Variants in NAALADL2 observed in about 807,000 individuals in gnomAD.
NAALADL2 encodes inactive N-acetylated-alpha-linked acidic dipeptidase-like protein 2.
In NAALADL2, 76 loss-of-function variants were observed where a neutral mutation model predicts 87.2. The observed-to-expected ratio is 0.87, with a 90% confidence interval of 0.72 to 1.05. The LOEUF (loss-of-function observed/expected upper bound fraction) is 1.05. NAALADL2 is among the 50% of genes least tolerant of loss of function. The pLI, the probability that NAALADL2 is intolerant of heterozygous loss-of-function variation, is 0.00. For missense variants in NAALADL2, 1,089 were observed against 945.8 expected (o/e 1.15, Z -1.99); for synonymous variants, 354 against 331.0 (o/e 1.07, Z -0.75).
chr3:175,007,664 G>T (rs189619811), intron 1 of NAALADL2, among the ~76,000 whole-genome samples: 1 of 152,234 alleles, frequency 6.6e-6, no homozygotes, highest in Non-Finnish European at 1.5e-5. Context: ...TACATTCCAA[G>T]ACCCCAGTGG....
At chr3:175,206,932 A>G (rs1741024280) in intron 2 of NAALADL2, among the ~76,000 whole-genome samples, 1 of 152,100 alleles carries the variant, frequency 6.6e-6, no homozygotes, top group South Asian at 2.1e-4. Flanking sequence ...TGAGAGGACA[A>G]AGTGGTAAAA....
At position 175,803,092 on chromosome 3, in the gene NAALADL2, T is replaced by A; in HGVS notation, c.2277T>A (p.Asn759Lys). 6.2e-7 allele frequency: 1 copy of A among 1,612,268 alleles called. No individual in the cohort carries two copies. Among genetic ancestry groups the A allele is most frequent in the Non-Finnish European group, 8.5e-7 (1 of 1,178,770 alleles). ...AACACTGCAAACCCCTTGCATCAAA[T>A]GAGACCCTTCAAGAAGCCCTGTCAG... is the stretch of plus-strand genomic sequence containing the variant. ...AWEHCKPLAS[N>K]ETLQEALSEV... The change falls in exon 14 of 14, where the codon AAT becomes AAA. Residue 759 changes from asparagine (N) to lysine (K), a missense_variant. By Grantham distance (94) the Asn-to-Lys change is moderately conservative. Transcript: ENST00000454872.
In NAALADL2 at chr3:175,386,851, C is replaced by G. The variant is rs1006875945; in HGVS notation, c.1091-60378C>G. Among the ~76,000 whole-genome samples, 3 of 152,006 alleles carry G rather than the reference C, an allele frequency of 2.0e-5. 1 individual carries two copies. The highest frequency in any genetic ancestry group is 2.0e-4 in the Admixed American group (3 of 15,242). Reference sequence around the variant, plus strand: ...TCAACTGTTGCGGTATCCCAGTGCTCGTGTTCAGGCCACCCTTACTTTGCT... The same window carrying G: ...TCAACTGTTGCGGTATCCCAGTGCTGGTGTTCAGGCCACCCTTACTTTGCT... On this transcript the variant is annotated intron_variant, in intron 5 of 13. Transcript: ENST00000454872.
intron 1 of NAALADL2, among the ~76,000 whole-genome samples, chr3:175,020,854 C>T (rs962049453): frequency 6.6e-6 from 1 of 152,012 alleles, no homozygotes; most frequent in Non-Finnish European, 1.5e-5. Flanking sequence ...TTCCAGAATT[C>T]CTCTGCCGCT....
At position 175,119,070 on chromosome 3, in the gene NAALADL2, T is replaced by C. The variant is rs201799048; in HGVS notation, c.545+21779T>C. Among the ~76,000 whole-genome samples the C allele has an allele frequency of 9.2e-3, 1,338 of 146,212 alleles. 8 individuals are homozygous for C. The highest frequency in any genetic ancestry group is 0.013 in the Non-Finnish European group (862 of 66,192). On this transcript the variant is annotated intron_variant, in intron 2 of 13. Coordinates refer to ENST00000454872, the MANE Select transcript of NAALADL2 (RefSeq NM_207015.3). ...AATTGCATTTATACGTTTTTTTTTT[T>C]CCCAGTGGTCATTATTGACCATATG...
chr3:175,308,263 G>T (rs1757949341), intron 4 of NAALADL2, among the ~76,000 whole-genome samples: 1 of 152,084 alleles, frequency 6.6e-6, no homozygotes, highest in African/African-American at 2.4e-5. Context: ...TTTGTGTCTT[G>T]TTTGCTCAAT....
At chr3:175,566,745 T>A (rs560606519) in intron 9 of NAALADL2, among the ~76,000 whole-genome samples, 5 of 152,126 alleles carry the variant, frequency 3.3e-5, no homozygotes, top group African/African-American at 1.2e-4. Flanking sequence ...TATCAGTTCA[T>A]CTTCATTAAT....
intron 9 of NAALADL2, among the ~76,000 whole-genome samples, chr3:175,491,307 T>C (rs1035774085): frequency 6.6e-6 from 1 of 151,602 alleles, no homozygotes; most frequent in Non-Finnish European, 1.5e-5. Flanking sequence ...TTGACTTGAA[T>C]TTTTTTGTTT....
chr3:174,621,146 A>C (rs1378496233), intron 2 of NAALADL2, among the ~76,000 whole-genome samples: 1 of 152,088 alleles, frequency 6.6e-6, no homozygotes, highest in African/African-American at 2.4e-5. Context: ...CCACACTTCT[A>C]GTTTCCTTTA....
At chr3:174,533,432 C>T (rs1052185501) in intron 1 of NAALADL2, among the ~76,000 whole-genome samples, 3 of 152,122 alleles carry the variant, frequency 2.0e-5, no homozygotes, top group Non-Finnish European at 2.9e-5. Flanking sequence ...TCTATTGGCT[C>T]TCAAAAGCTA....
At chr3:174,613,538 G>C (rs989307897) in intron 2 of NAALADL2, among the ~76,000 whole-genome samples, 4 of 152,192 alleles carry the variant, frequency 2.6e-5, no homozygotes, top group Non-Finnish European at 5.9e-5. Context: ...TCTAAAGAAA[G>C]AGAAGCCTCA....
At chr3:174,698,542 C>T (rs1387044584) in intron 2 of NAALADL2, among the ~76,000 whole-genome samples, 2 of 151,952 alleles carry the variant, frequency 1.3e-5, no homozygotes, top group Non-Finnish European at 2.9e-5. Flanking sequence ...CTCTAGTTTC[C>T]TTGTTTTGCT....
intron 2 of NAALADL2, among the ~76,000 whole-genome samples, chr3:174,702,193 T>C (rs935611878): frequency 2.0e-5 from 3 of 152,224 alleles, no homozygotes; most frequent in Non-Finnish European, 4.4e-5. Flanking sequence ...CTTTTTTATG[T>C]GCTTATTTGT....
chr3:175,057,805 C>A (rs753652237), intron 1 of NAALADL2, among the ~76,000 whole-genome samples: 10 of 152,182 alleles, frequency 6.6e-5, no homozygotes, highest in African/African-American at 2.4e-4. Flanking sequence ...ACGGGACTTT[C>A]CATAGTTAAT....
intron 9 of NAALADL2, among the ~76,000 whole-genome samples, chr3:175,522,318 C>G (rs1235804321): frequency 6.6e-6 from 1 of 152,074 alleles, no homozygotes; most frequent in Non-Finnish European, 1.5e-5. Context: ...TTGAATGCTC[C>G]TAATATATGA....
chr3:175,597,040 A>T (rs946554987), intron 10 of NAALADL2, among the ~76,000 whole-genome samples: 2 of 151,950 alleles, frequency 1.3e-5, no homozygotes, highest in African/African-American at 4.8e-5. Context: ...ACAGTTTGAG[A>T]TTGTATCCTC....
At chr3:174,901,930 T>C (rs1015546753) in intron 1 of NAALADL2, among the ~76,000 whole-genome samples, 5 of 152,218 alleles carry the variant, frequency 3.3e-5, no homozygotes, top group Non-Finnish European at 5.9e-5. Context: ...GTAAATGTTC[T>C]CTCAAATGAT....
At chr3:174,938,816 C>G (rs1184670060) in intron 1 of NAALADL2, among the ~76,000 whole-genome samples, 2 of 151,954 alleles carry the variant, frequency 1.3e-5, no homozygotes, top group Admixed American at 1.3e-4. Flanking sequence ...ACATACATGT[C>G]TTCTTTTACA....
intron 1 of NAALADL2, among the ~76,000 whole-genome samples, chr3:174,454,304 C>T (rs990892477): frequency 6.6e-6 from 1 of 152,114 alleles, no homozygotes. Context: ...GAGACATCAA[C>T]ATCTCACTCA....
Sources: gnomAD v4.1 joint callset for allele counts (sites outside exome capture counted in the v4.1 genomes callset) on GRCh38, gnomAD v4.1.1 for gene constraint, MANE v1.5 for transcripts, NCBI Gene and HGNC (gene_info 2026-07-23, HGNC 2026-07-21) for gene names.